F13A1: variants seen among roughly 807,000 people sequenced by gnomAD.
The protein encoded by F13A1 is coagulation factor XIII A chain.
Under a neutral mutation model 80.1 loss-of-function variants are expected in F13A1, and 47 were observed. The observed-to-expected ratio is 0.59, with a 90% CI of 0.46 to 0.75. F13A1 has a LOEUF of 0.75. Among genes scored for constraint, F13A1 ranks in the 30% least tolerant of loss-of-function variants. The pLI is 0.00. For synonymous variants in F13A1, 349 were observed against 344.9 expected (o/e 1.01, Z -0.13); for missense variants, 817 against 930.4 (o/e 0.88, Z 1.59).
chr6:6,301,403 G>T (rs1291647886), intron 3 of F13A1, among the ~76,000 whole-genome samples: 2 of 152,148 alleles, frequency 1.3e-5, no homozygotes, highest in African/African-American at 4.8e-5. Flanking sequence ...TCTACAACAG[G>T]TTGGGCAATG....
At chr6:6,165,338 C>T (rs1342934185) in intron 13 of F13A1, among the ~76,000 whole-genome samples, 2 of 152,100 alleles carry the variant, frequency 1.3e-5, no homozygotes, top group Admixed American at 6.6e-5. Flanking sequence ...TTAAGTAAAC[C>T]CAGAAGATAA....
chr6:6,241,948 T>A (rs1757488895), intron 6 of F13A1, among the ~76,000 whole-genome samples: 1 of 152,136 alleles, frequency 6.6e-6, no homozygotes, highest in South Asian at 2.1e-4. Context: ...AGTAAACAAT[T>A]GAAAGAAAAT....
At chr6:6,266,313 C>A (rs1757843652) in intron 4 of F13A1, among the ~76,000 whole-genome samples, 1 of 152,118 alleles carries the variant, frequency 6.6e-6, no homozygotes, top group South Asian at 2.1e-4. Context: ...CTCACTGTAA[C>A]CTCCAACTCC....
At chr6:6,317,659 G>A (rs528733682) in intron 2 of F13A1, among the ~76,000 whole-genome samples, 7 of 152,160 alleles carry the variant, frequency 4.6e-5, no homozygotes, top group South Asian at 4.2e-4. Context: ...CTAATGAGGG[G>A]AATCGACCAC....
chr6:6,215,113 T>C (rs903376214), intron 8 of F13A1, among the ~76,000 whole-genome samples: 7 of 124,098 alleles, frequency 5.6e-5, no homozygotes, highest in African/African-American at 2.1e-4. Flanking sequence ...AAGGAGGAAC[T>C]GGTACCATTC....
chr6:6,177,565 C>T (rs1332167969), intron 11 of F13A1, among the ~76,000 whole-genome samples: 1 of 152,240 alleles, frequency 6.6e-6, no homozygotes, highest in Non-Finnish European at 1.5e-5. Flanking sequence ...AAACTTTCCT[C>T]TTCATAATAG....
intron 14 of F13A1, among the ~76,000 whole-genome samples, chr6:6,148,986 A>T (rs1760329014): frequency 8.2e-6 from 1 of 121,560 alleles, no homozygotes; most frequent in Non-Finnish European, 1.7e-5. Flanking sequence ...ACTCACATGT[A>T]GACACTAAAA....
chr6:6,286,891 G>A (rs1376362052), intron 3 of F13A1, among the ~76,000 whole-genome samples: 2 of 152,202 alleles, frequency 1.3e-5, no homozygotes, highest in African/African-American at 4.8e-5. Flanking sequence ...GGCTCTGGCT[G>A]CTGTTATAGT....
intron 4 of F13A1, among the ~76,000 whole-genome samples, chr6:6,254,747 T>C (rs1757681422): frequency 6.6e-6 from 1 of 152,162 alleles, no homozygotes; most frequent in African/African-American, 2.4e-5. Context: ...ATTCAATTAA[T>C]TGCCAATTAA....
chr6:6,265,546 A>G (rs921729454), intron 4 of F13A1, among the ~76,000 whole-genome samples: 3 of 152,238 alleles, frequency 2.0e-5, no homozygotes, highest in African/African-American at 7.2e-5. Flanking sequence ...GAATTGATAG[A>G]GAAATCATTG....
intron 10 of F13A1, among the ~76,000 whole-genome samples, chr6:6,191,218 G>C (rs1481227273): frequency 2.0e-5 from 3 of 152,222 alleles, no homozygotes; most frequent in East Asian, 3.9e-4. Context: ...GTAGACTGGA[G>C]CTGTTCCTAT....
chr6:6,257,045 G>C (rs192451899), intron 4 of F13A1, among the ~76,000 whole-genome samples: 31 of 152,310 alleles, frequency 2.0e-4, no homozygotes, highest in African/African-American at 7.2e-4. Context: ...TTTAGGGAAG[G>C]AAGGAATTTA....
chr6:6,217,849 C>T (rs1295496011), intron 8 of F13A1, among the ~76,000 whole-genome samples: 1 of 152,104 alleles, frequency 6.6e-6, no homozygotes, highest in African/African-American at 2.4e-5. Context: ...TTAATTTCTG[C>T]TCTAAAATGT....
intron 6 of F13A1, among the ~76,000 whole-genome samples, chr6:6,240,013 A>G (rs1196669117): frequency 6.6e-6 from 1 of 152,098 alleles, no homozygotes; most frequent in Non-Finnish European, 1.5e-5. Context: ...TATCCTGGGG[A>G]TGCTGGCCCC....
chr6:6,310,519 T>C (rs750588556), intron 2 of F13A1, among the ~76,000 whole-genome samples: 3 of 152,072 alleles, frequency 2.0e-5, no homozygotes, highest in Non-Finnish European at 2.9e-5. Flanking sequence ...ATTATTGTTG[T>C]TGTTATTATT....
chr6:6,181,849 C>A (rs3024439), intron 11 of F13A1, 139 bp downstream of exon 11: 2 of 914,074 alleles, frequency 2.2e-6, no homozygotes, highest in Non-Finnish European at 1.7e-6. Flanking sequence ...GTCTTTCACA[C>A]GTGAAAGTTT....
chr6:6,152,314 C>T (rs1478640888), intron 13 of F13A1, among the ~76,000 whole-genome samples: 5 of 152,222 alleles, frequency 3.3e-5, no homozygotes, highest in Non-Finnish European at 4.4e-5. Context: ...CATCAAGTTT[C>T]CTGCTGGGAC....
intron 1 of F13A1, among the ~76,000 whole-genome samples, chr6:6,318,935 C>T (rs1219914349): frequency 6.6e-6 from 1 of 152,112 alleles, no homozygotes; most frequent in Non-Finnish European, 1.5e-5. Flanking sequence ...AGAAAAGGGG[C>T]TTATTCAAAG....
At chr6:6,175,133 A>G (rs1760859612) in intron 11 of F13A1, among the ~76,000 whole-genome samples, 1 of 152,068 alleles carries the variant, frequency 6.6e-6, no homozygotes, top group Admixed American at 6.6e-5. Context: ...CGGGGCCACT[A>G]TTTCAGGGGG....
Sources: allele counts gnomAD v4.1 joint callset (sites outside exome capture counted in the v4.1 genomes callset), GRCh38; gene constraint gnomAD v4.1.1; transcripts MANE v1.5; gene names NCBI Gene and HGNC (gene_info 2026-07-23, HGNC 2026-07-21).